The following NFX1 variants were observed in gnomAD, a reference collection of about 807,000 sequenced individuals.
NFX1 encodes the protein transcriptional repressor NF-X1.
A neutral mutation model predicts 137.2 loss-of-function variants in NFX1; 69 were observed. The observed-to-expected ratio is 0.50, with a 90% CI of 0.41 to 0.61. The LOEUF is 0.61. Among genes scored for constraint, NFX1 ranks in the 20% least tolerant of loss-of-function variants. The pLI is 0.00. For synonymous variants in NFX1, 495 were observed against 474.1 expected (o/e 1.04, Z -0.57); for missense variants, 1,167 against 1,391.0 (o/e 0.84, Z 2.56).
intron 2 of NFX1, among the ~76,000 whole-genome samples, chr9:33,300,353 G>A (rs1293475872): frequency 2.0e-5 from 3 of 151,980 alleles, no homozygotes; most frequent in South Asian, 2.1e-4. Context: ...GTAAGCCACC[G>A]TGTCCAACCT....
intron 1 of NFX1, among the ~76,000 whole-genome samples, chr9:33,293,007 A>G (rs116902664): frequency 1.2e-3 from 183 of 152,286 alleles, no homozygotes; most frequent in Non-Finnish European, 2.2e-3. Flanking sequence ...AATTCTGCCT[A>G]TGTGAAAGCT....
rs527345370 is a variant in NFX1 at position 33,363,738 on chromosome 9, C to G, written c.2874-272C>G. Among the ~76,000 whole-genome samples, 5 of 152,194 alleles carry G rather than the reference C, an allele frequency of 3.3e-5. No homozygotes were observed. In the East Asian group the frequency reaches 9.6e-4, roughly 29 times the overall value. ...CCCCCATTGACCATTCTCAGTGATC[C>G]CACACCCCCAAACTCCTCTTCCCCA... On this transcript the variant is annotated intron_variant, in intron 19 of 23. Transcript: ENST00000379540.
At chr9:33,361,854 C>T (rs1397057733) in intron 19 of NFX1, among the ~76,000 whole-genome samples, 2 of 150,692 alleles carry the variant, frequency 1.3e-5, no homozygotes, top group Non-Finnish European at 3.0e-5. Context: ...CCCGTTACAG[C>T]GGCTCATCCC....
chr9:33,311,291 T>C, intron 6 of NFX1, 114 bp downstream of exon 6: 1 of 970,820 alleles, frequency 1.0e-6, no homozygotes, highest in South Asian at 1.5e-5. Flanking sequence ...TAGGCATGAA[T>C]AGTACTTTTT....
chr9:33,331,486 T>C (rs1355041962), intron 10 of NFX1, among the ~76,000 whole-genome samples: 1 of 152,242 alleles, frequency 6.6e-6, no homozygotes, highest in Non-Finnish European at 1.5e-5. Context: ...CTGCATATCA[T>C]TTCTTCCATA....
In NFX1 at chr9:33,352,728, T is replaced by A; in HGVS notation, c.2729+9T>A. 1 of 1,610,730 alleles carries A rather than the reference T, an allele frequency of 6.2e-7. No homozygotes were observed. On this transcript the variant is annotated intron_variant, in intron 17 of 23. Coordinates refer to ENST00000379540, the MANE Select transcript of NFX1 (RefSeq NM_002504.6). ...TCTAGTACTTATCAAAGGTTAGTGT[T>A]ACTTAAATGTTAACAACTGATGGCC...
At chr9:33,314,852 TAC>T (rs1484694606) in intron 7 of NFX1, among the ~76,000 whole-genome samples, 1 of 152,168 alleles carries the variant, frequency 6.6e-6, no homozygotes, top group Non-Finnish European at 1.5e-5. Context: ...CACAGATGTA[TAC>T]AATTACCAAA....
intron 2 of NFX1, among the ~76,000 whole-genome samples, chr9:33,299,635 C>T (rs1173541123): frequency 2.6e-5 from 4 of 152,256 alleles, no homozygotes; most frequent in African/African-American, 9.6e-5. Context: ...ATGCAGTGAG[C>T]CACGATCATG....
intron 1 of NFX1, among the ~76,000 whole-genome samples, chr9:33,290,996 G>C (rs777612672): frequency 6.6e-6 from 1 of 152,212 alleles, no homozygotes; most frequent in Non-Finnish European, 1.5e-5. Context: ...GGTGGCGTGG[G>C]CGCGAGCCGA....
At chr9:33,311,671 G>A (rs1302897457) in intron 6 of NFX1, among the ~76,000 whole-genome samples, 2 of 151,982 alleles carry the variant, frequency 1.3e-5, no homozygotes, top group East Asian at 3.9e-4. Flanking sequence ...TCCTGCCTCA[G>A]CCTCCCAAGT....
At chr9:33,332,237 T>G (rs1822833192) in intron 10 of NFX1, among the ~76,000 whole-genome samples, 1 of 152,136 alleles carries the variant, frequency 6.6e-6, no homozygotes, top group East Asian at 1.9e-4. Context: ...ACCACAAAAA[T>G]TGTTAGAATT....
At chr9:33,328,953 T>G (rs922061153) in intron 10 of NFX1, among the ~76,000 whole-genome samples, 2 of 152,220 alleles carry the variant, frequency 1.3e-5, no homozygotes, top group Non-Finnish European at 2.9e-5. Flanking sequence ...CACCCACTTG[T>G]GGCACCAACT....
intron 9 of NFX1, among the ~76,000 whole-genome samples, chr9:33,326,450 A>G (rs1822593299): frequency 6.8e-6 from 1 of 147,068 alleles, no homozygotes; most frequent in Non-Finnish European, 1.5e-5. Context: ...TGGGCACTGT[A>G]GCTCTCACCT....
chr9:33,344,054 C>A lies in NFX1; in HGVS notation c.2225-15C>A. 1 of 1,613,550 alleles carries A rather than the reference C, an allele frequency of 6.2e-7. No individual in the cohort carries two copies. Among genetic ancestry groups the A allele is most frequent in the Non-Finnish European group, 8.5e-7 (1 of 1,179,714 alleles). On this transcript the variant is annotated splice_polypyrimidine_tract_variant and intron_variant, in intron 13 of 23. Transcript: ENST00000379540. ...CTCAGAAAGGATTCTTTTGTTTTACCTGCTGCTCCACCAGGTTTTGATGAA... is the reference window on the plus strand; with the variant it reads ...CTCAGAAAGGATTCTTTTGTTTTACATGCTGCTCCACCAGGTTTTGATGAA...
Position 33,313,747 on chromosome 9 carries a change from G to A in NFX1, c.1542G>A (p.Leu514=). Residue 514 remains leucine (L), a synonymous_variant, in exon 7 of 24, where the codon CTG becomes CTA. Coordinates refer to ENST00000379540, the MANE Select transcript of NFX1 (RefSeq NM_002504.6). Reference sequence around the variant, plus strand: ...GTGGTCAGCACCAGTGTGCTGAGCTGTGCCATGGGGGTCAGTGCCAGCCTT... The same window carrying A: ...GTGGTCAGCACCAGTGTGCTGAGCTATGCCATGGGGGTCAGTGCCAGCCTT... ...LNCGQHQCAE[L]CHGGQCQPCQ... The A allele has an allele frequency of 6.2e-7, 1 of 1,614,136 alleles. No homozygotes were observed. The highest frequency in any genetic ancestry group is 2.2e-5 in the East Asian group (1 of 44,878).
In NFX1 at chr9:33,350,099, T is replaced by C. The variant is rs112409354; in HGVS notation, c.2425-1461T>C. Among the ~76,000 whole-genome samples, 1,138 of 152,084 alleles carry C rather than the reference T, an allele frequency of 7.5e-3. 7 individuals carry two copies. Among genetic ancestry groups the C allele is most frequent in the Non-Finnish European group, 0.011 (752 of 67,960 alleles). On this transcript the variant is annotated intron_variant, in intron 15 of 23. Transcript: ENST00000379540. ...CAAGTGGATCACCTGAGGTCAGCAG[T>C]TGGAGACCAGCCTGGCCAACATAGT...
At chr9:33,365,991 C>G (rs941111413) in intron 21 of NFX1, 4 of 152,228 alleles carry the variant, frequency 2.6e-5, no homozygotes, top group Admixed American at 1.3e-4. Context: ...GCTTCCTCCC[C>G]CTTCCATCAG....
chr9:33,333,464 T>C (rs1822886778), intron 11 of NFX1, among the ~76,000 whole-genome samples: 1 of 152,236 alleles, frequency 6.6e-6, no homozygotes, highest in Admixed American at 6.5e-5. Flanking sequence ...CTCGTGGGTA[T>C]GTTAGCTGCT....
chr9:33,353,811 C>T (rs540637892), intron 17 of NFX1, among the ~76,000 whole-genome samples: 2 of 151,564 alleles, frequency 1.3e-5, no homozygotes, highest in East Asian at 1.9e-4. Context: ...GCTTCAGCCT[C>T]CTGAGTAGCG....
Sources: gnomAD v4.1 joint callset for allele counts (sites outside exome capture counted in the v4.1 genomes callset) on GRCh38, gnomAD v4.1.1 for gene constraint, MANE v1.5 for transcripts, NCBI Gene and HGNC (gene_info 2026-07-23, HGNC 2026-07-21) for gene names.